ST7L: variants seen among roughly 807,000 people sequenced by gnomAD.
ST7L encodes suppressor of tumorigenicity 7 protein-like.
A neutral mutation model predicts 72.5 loss-of-function variants in ST7L; 57 were observed. The observed-to-expected ratio is 0.79, with a 90% CI of 0.64 to 0.98. The LOEUF (loss-of-function observed/expected upper bound fraction) is 0.98. Among genes scored for constraint, ST7L ranks in the 50% least tolerant of loss-of-function variants. The pLI, the probability that ST7L is intolerant of heterozygous loss-of-function variation, is 0.00. For missense variants in ST7L, 576 were observed against 672.2 expected, an observed-to-expected ratio of 0.86 and a Z score of 1.58; for synonymous variants, 221 against 240.9, an observed-to-expected ratio of 0.92 and a Z score of 0.77.
intron 2 of ST7L, 129 bp downstream of exon 2, chr1:112,616,684 A>G: frequency 3.6e-6 from 2 of 556,760 alleles, no homozygotes; most frequent in Non-Finnish European, 6.4e-6. Context: ...CGGAAGTTGC[A>G]GTGAGCCGAG....
At chr1:112,546,927 C>T (rs148625686) in intron 13 of ST7L, among the ~76,000 whole-genome samples, 1 of 151,524 alleles carries the variant, frequency 6.6e-6, no homozygotes, top group East Asian at 1.9e-4. Flanking sequence ...GTAGATTATA[C>T]AAGAAAATAT....
intron 1 of ST7L, 171 bp downstream of exon 1, chr1:112,618,738 T>A: frequency 1.5e-6 from 2 of 1,350,756 alleles, no homozygotes; most frequent in Non-Finnish European, 2.0e-6. Context: ...GGCAGCAGGC[T>A]TGTCAATCAA....
At chr1:112,610,498 C>T in intron 3 of ST7L, 1 of 231,254 alleles carries the variant, frequency 4.3e-6, no homozygotes, top group Non-Finnish European at 8.3e-6. Flanking sequence ...GTTCTGGAGG[C>T]TGGGAAGTCT....
rs1373419863 is a variant in ST7L, at chr1:112,593,383, A to T, written c.623-1780T>A. Among the ~76,000 whole-genome samples, 4 of 152,194 alleles carry T rather than the reference A, an allele frequency of 2.6e-5. No individual in the cohort carries two copies. The East Asian group carries it at 7.7e-4, about 29-fold the overall frequency. Reference sequence around the variant, plus strand: ...AAGGGCTCTTAATATGCTGAATATAATTAAAACAAGCAATTAGCAATTCAC... The same window carrying T: ...AAGGGCTCTTAATATGCTGAATATATTTAAAACAAGCAATTAGCAATTCAC... On this transcript the variant is annotated intron_variant, in intron 5 of 14. Transcript: ENST00000358039.
intron 11 of ST7L, among the ~76,000 whole-genome samples, chr1:112,573,713 G>A (rs1013198812): frequency 4.0e-5 from 6 of 151,598 alleles, no homozygotes; most frequent in African/African-American, 1.5e-4. Context: ...TAAATAAACA[G>A]GGACCACTCT....
rs567244156 is a variant in ST7L at position 112,601,266 on chromosome 1, G to A, written c.452-418C>T. On this transcript the variant is annotated intron_variant, in intron 3 of 14. Coordinates refer to ENST00000358039, the MANE Select transcript of ST7L (RefSeq NM_017744.5). ...ACATGTTTTGTTCTTTTTGTTTTGA[G>A]ACAGAGTCTCGCTCTGTCACCCAGG... Among the ~76,000 whole-genome samples, 138 of 152,188 alleles carry A rather than the reference G, an allele frequency of 9.1e-4. 1 individual carries two copies. The highest frequency in any genetic ancestry group is 3.2e-3 in the African/African-American group (134 of 41,532).
intron 14 of ST7L, among the ~76,000 whole-genome samples, chr1:112,535,142 G>A (rs1654973083): frequency 6.6e-6 from 1 of 152,174 alleles, no homozygotes; most frequent in African/African-American, 2.4e-5. Flanking sequence ...GGAGGCCCAG[G>A]TGGGTGGATC....
chr1:112,614,088 A>T (rs1288617522), intron 2 of ST7L, among the ~76,000 whole-genome samples: 1 of 152,170 alleles, frequency 6.6e-6, no homozygotes, highest in Admixed American at 6.5e-5. Flanking sequence ...CCCTCTTATA[A>T]ATGAGGAAAT....
intron 11 of ST7L, among the ~76,000 whole-genome samples, chr1:112,556,985 C>CAAAAA (rs1196828305): frequency 1.2e-5 from 1 of 82,112 alleles, no homozygotes; most frequent in Non-Finnish European, 2.3e-5. Context: ...AAAAAAAAAA[C>CAAAAA]AAAAAAAAAA....
chr1:112,616,788 A>G, intron 2 of ST7L, 25 bp downstream of exon 2: 1 of 1,501,574 alleles, frequency 6.7e-7, no homozygotes, highest in South Asian at 1.2e-5. Flanking sequence ...CCAAAACATG[A>G]AGGAAGGAAA....
At chr1:112,532,511 A>G (rs1654542341) in intron 14 of ST7L, among the ~76,000 whole-genome samples, 1 of 152,118 alleles carries the variant, frequency 6.6e-6, no homozygotes, top group African/African-American at 2.4e-5. Context: ...CCCTTCTCCA[A>G]CTGTCCCCTA....
At chr1:112,541,893 A>T (rs1394154156) in intron 14 of ST7L, 58 bp downstream of exon 14, 1 of 1,596,148 alleles carries the variant, frequency 6.3e-7, no homozygotes, top group East Asian at 2.3e-5. Context: ...GGCAGATCAG[A>T]GATGGTTTCT....
At chr1:112,564,105 G>A (rs373154459) in intron 11 of ST7L, among the ~76,000 whole-genome samples, 1 of 152,172 alleles carries the variant, frequency 6.6e-6, no homozygotes, top group African/African-American at 2.4e-5. Flanking sequence ...TATTGGGGGA[G>A]ACTAAAGACA....
chr1:112,537,049 G>T (rs188049354), intron 14 of ST7L, among the ~76,000 whole-genome samples: 1 of 151,812 alleles, frequency 6.6e-6, no homozygotes, highest in Non-Finnish European at 1.5e-5. Flanking sequence ...AGGCTGGAGT[G>T]CAGCGACGCG....
At chr1:112,595,682 G>A (rs887367485) in intron 5 of ST7L, among the ~76,000 whole-genome samples, 6 of 152,108 alleles carry the variant, frequency 3.9e-5, no homozygotes, top group African/African-American at 9.7e-5. Flanking sequence ...GCCTCTCAAA[G>A]TGCTGGGATT....
chr1:112,534,079 G>T (rs1654808938), intron 14 of ST7L, among the ~76,000 whole-genome samples: 1 of 152,166 alleles, frequency 6.6e-6, no homozygotes, highest in African/African-American at 2.4e-5. Flanking sequence ...TGTCTTTGCA[G>T]TAAACATTTC....
intron 11 of ST7L, among the ~76,000 whole-genome samples, chr1:112,574,252 T>C (rs1293221867): frequency 6.7e-6 from 1 of 148,186 alleles, no homozygotes; most frequent in Non-Finnish European, 1.5e-5. Context: ...AGTCTCACTC[T>C]GTCACCCAGG....
intron 11 of ST7L, among the ~76,000 whole-genome samples, chr1:112,573,940 A>G (rs1355954854): frequency 5.7e-5 from 6 of 104,368 alleles, no homozygotes; most frequent in African/African-American, 1.2e-4. Context: ...TTTGAGACGG[A>G]GTCTCACTCT....
At position 112,523,793 on chromosome 1, in the gene ST7L, A is replaced by G. The variant is rs1452021196; in HGVS notation, c.*2220T>C. ...ACATACTATATATTTTAAGGATCTAAGAATCCTTTAGAGAAGGCACATGAC... is the reference window on the plus strand; with the variant it reads ...ACATACTATATATTTTAAGGATCTAGGAATCCTTTAGAGAAGGCACATGAC... On this transcript the variant is annotated 3_prime_UTR_variant, in exon 15 of 15. Coordinates refer to ENST00000358039, the MANE Select transcript of ST7L (RefSeq NM_017744.5). 1.3e-5 allele frequency: 2 copies of G among 152,220 alleles called. No individual in the cohort carries two copies. The highest frequency in any genetic ancestry group is 1.3e-4 in the Admixed American group (2 of 15,284). 9.4% of individuals were successfully genotyped at this position (152,220 alleles called of 1,614,324 possible).
Sources: allele counts gnomAD v4.1 joint callset (sites outside exome capture counted in the v4.1 genomes callset), GRCh38; gene constraint gnomAD v4.1.1; transcripts MANE v1.5; gene names NCBI Gene and HGNC (gene_info 2026-07-23, HGNC 2026-07-21).